Variants in LRRC37A observed in about 807,000 individuals in gnomAD.
The protein encoded by LRRC37A is leucine-rich repeat-containing protein 37A.
In LRRC37A, 3 loss-of-function variants were observed where a neutral mutation model predicts 35.4. The ratio of observed to expected loss-of-function variants is 0.08; its 90% CI spans 0.04 to 0.22. LRRC37A has a LOEUF of 0.22. LRRC37A is among the 10% of genes least tolerant of loss of function. The pLI is 1.00. For synonymous variants in LRRC37A, 23 were observed against 215.0 expected (o/e 0.11, Z 7.81); for missense variants, 67 against 565.3 (o/e 0.12, Z 8.94).
chr17:46,283,892 C>T, the LRRC37A span, among the ~76,000 whole-genome samples: 10 of 152,214 alleles, frequency 6.6e-5, no homozygotes, highest in Admixed American at 5.9e-4. Context: ...GTCTCTGCAT[C>T]ATAGACAAGG....
At chr17:46,255,038 G>T in the LRRC37A span, among the ~76,000 whole-genome samples, 236 of 152,280 alleles carry the variant, frequency 1.5e-3, no homozygotes, top group African/African-American at 5.4e-3. Flanking sequence ...GTTTCACCAT[G>T]TTGGCCAGGC....
the LRRC37A span, among the ~76,000 whole-genome samples, chr17:46,271,592 A>G: frequency 6.6e-6 from 1 of 152,206 alleles, no homozygotes; most frequent in Non-Finnish European, 1.5e-5. Context: ...TTTAACATAA[A>G]GAAGTAGAGA....
the LRRC37A span, among the ~76,000 whole-genome samples, chr17:46,264,901 G>A: frequency 6.6e-6 from 1 of 152,276 alleles, no homozygotes; most frequent in Non-Finnish European, 1.5e-5. Flanking sequence ...ATGTATGTCA[G>A]AGATGTGGTT....
chr17:46,249,651 G>A, the LRRC37A span, among the ~76,000 whole-genome samples: 1 of 152,130 alleles, frequency 6.6e-6, no homozygotes, highest in Non-Finnish European at 1.5e-5. Flanking sequence ...TACAGGGGAG[G>A]GGGCGCCCAC....
chr17:46,335,452 A>T, intron 10 of LRRC37A, 93 bp from the exon 11 acceptor site: 1 of 164,456 alleles, frequency 6.1e-6, no homozygotes, highest in African/African-American at 1.9e-5. Flanking sequence ...CATCAGGTAC[A>T]TGAGACTTAT....
At chr17:46,284,930 CA>C in the LRRC37A span, among the ~76,000 whole-genome samples, 1 of 152,248 alleles carries the variant, frequency 6.6e-6, no homozygotes, top group Non-Finnish European at 1.5e-5. Context: ...AGTGGAGTGG[CA>C]CGATCATAGC....
chr17:46,286,063 T>C, the LRRC37A span, among the ~76,000 whole-genome samples: 22 of 152,312 alleles, frequency 1.4e-4, no homozygotes, highest in African/African-American at 4.8e-4. Flanking sequence ...TGGTACCAAT[T>C]CTGACACCGA....
At chr17:46,285,170 C>G in the LRRC37A span, among the ~76,000 whole-genome samples, 1 of 152,084 alleles carries the variant, frequency 6.6e-6, no homozygotes, top group Non-Finnish European at 1.5e-5. Flanking sequence ...CACTGGCCTT[C>G]TGTGTCTTCA....
upstream of LRRC37A, among the ~76,000 whole-genome samples, chr17:46,292,010 T>C (rs566636246): frequency 1.8e-5 from 2 of 112,418 alleles, no homozygotes; most frequent in Non-Finnish European, 3.8e-5. Context: ...AATGGTCTAA[T>C]CTGAATTCAC....
chr17:46,265,246 T>TTTCTTCTTCTTCTTC, the LRRC37A span, among the ~76,000 whole-genome samples: 1 of 138,924 alleles, frequency 7.2e-6, no homozygotes. Context: ...ACAAATTTCC[T>TTTCTTCTTCTTCTTC]TTCTTCTTCT....
At chr17:46,254,730 G>A in the LRRC37A span, among the ~76,000 whole-genome samples, 5 of 151,264 alleles carry the variant, frequency 3.3e-5, no homozygotes, top group African/African-American at 4.9e-5. Flanking sequence ...TAGTAGAGGC[G>A]GGGTTTCACC....
chr17:46,250,768 C>G, the LRRC37A span, among the ~76,000 whole-genome samples: 3 of 152,210 alleles, frequency 2.0e-5, no homozygotes, highest in African/African-American at 7.2e-5. Flanking sequence ...GTGACTCACA[C>G]CTGTAATCCC....
At chr17:46,257,028 G>A in the LRRC37A span, among the ~76,000 whole-genome samples, 12 of 152,194 alleles carry the variant, frequency 7.9e-5, no homozygotes, top group South Asian at 4.1e-4. Context: ...AGAAGCTAGC[G>A]GTTTTGGCAT....
the LRRC37A span, among the ~76,000 whole-genome samples, chr17:46,280,430 C>T: frequency 0.11 from 16,701 of 148,970 alleles, no homozygotes; most frequent in Non-Finnish European, 0.17. Flanking sequence ...TCCCAGCACT[C>T]TGGGAGGCCA....
At chr17:46,256,970 G>T in the LRRC37A span, among the ~76,000 whole-genome samples, 2 of 152,228 alleles carry the variant, frequency 1.3e-5, no homozygotes. Flanking sequence ...ATGTTAATTG[G>T]CTCTTTTCTC....
the LRRC37A span, chr17:46,268,813 T>A: frequency 1.4e-6 from 1 of 731,694 alleles, no homozygotes; most frequent in Admixed American, 3.8e-5. Context: ...ATGAATGACC[T>A]GCATAGTTAC....
the LRRC37A span, among the ~76,000 whole-genome samples, chr17:46,279,499 T>TC: frequency 1.6e-5 from 2 of 123,132 alleles, no homozygotes; most frequent in African/African-American, 6.3e-5. Flanking sequence ...TTTCTTTCTT[T>TC]CTTTTTTTTT....
the LRRC37A span, among the ~76,000 whole-genome samples, chr17:46,279,067 G>T: frequency 0.12 from 18,544 of 149,584 alleles, 2 homozygotes; most frequent in Middle Eastern, 0.19. Flanking sequence ...CAAAGTGTTG[G>T]GATTATAGGC....
At chr17:46,260,284 C>T in the LRRC37A span, 439 of 1,509,100 alleles carry the variant, frequency 2.9e-4, 3 homozygotes, top group Non-Finnish European at 3.9e-4. Flanking sequence ...GCGATGGCGG[C>T]CTGCGCGCCG....
Sources: allele counts gnomAD v4.1 joint callset (sites outside exome capture counted in the v4.1 genomes callset), GRCh38; gene constraint gnomAD v4.1.1; transcripts MANE v1.5; gene names NCBI Gene and HGNC (gene_info 2026-07-23, HGNC 2026-07-21).